USH2A: variants seen among roughly 807,000 people sequenced by gnomAD.
USH2A encodes Usher syndrome 2A (autosomal recessive, mild).
In USH2A, 443 loss-of-function variants were observed where a neutral mutation model predicts 538.9. The ratio of observed to expected loss-of-function variants is 0.82; its 90% CI spans 0.76 to 0.89. The LOEUF (loss-of-function observed/expected upper bound fraction) is 0.89. Among genes scored for constraint, USH2A ranks in the 40% least tolerant of loss-of-function variants. USH2A has a pLI of 0.00. For missense variants in USH2A, 6,633 were observed against 6,324.8 expected, an observed-to-expected ratio of 1.05 and a Z score of -1.65; for synonymous variants, 2,413 against 2,273.5, an observed-to-expected ratio of 1.06 and a Z score of -1.75.
At chr1:216,391,007 C>G (rs2039097532) in intron 3 of USH2A, among the ~76,000 whole-genome samples, 1 of 152,120 alleles carries the variant, frequency 6.6e-6, no homozygotes, top group Admixed American at 6.6e-5. Context: ...TAGATTTACA[C>G]ATGCAATATT....
intron 22 of USH2A, among the ~76,000 whole-genome samples, chr1:216,091,389 A>G (rs1451563234): frequency 6.6e-6 from 1 of 152,260 alleles, no homozygotes; most frequent in Non-Finnish European, 1.5e-5. Flanking sequence ...CTGATCAAGT[A>G]TATTCAAAAT....
chr1:215,708,145 A>T (rs1253993283), intron 61 of USH2A, among the ~76,000 whole-genome samples: 2 of 152,148 alleles, frequency 1.3e-5, no homozygotes, highest in African/African-American at 4.8e-5. Flanking sequence ...AATTTGCAAA[A>T]GTTGTATTTT....
chr1:215,800,104 T>A (rs1571698700), intron 49 of USH2A, among the ~76,000 whole-genome samples: 1 of 152,172 alleles, frequency 6.6e-6, no homozygotes, highest in African/African-American at 2.4e-5. Context: ...TTGTTTGGTA[T>A]AAAGACAACT....
At chr1:215,683,336 T>C (rs1330776759) in intron 61 of USH2A, among the ~76,000 whole-genome samples, 1 of 152,154 alleles carries the variant, frequency 6.6e-6, no homozygotes, top group Non-Finnish European at 1.5e-5. Context: ...TAGTAAAAGC[T>C]ATATTAAAAA....
chr1:215,728,446 T>G (rs1337031069), intron 60 of USH2A, 62 bp from the exon 61 acceptor site: 1 of 1,503,716 alleles, frequency 6.7e-7, no homozygotes. Context: ...AGTTTGTAGA[T>G]GGAGTAAAAA....
At chr1:216,106,079 T>C (rs1484119182) in intron 21 of USH2A, among the ~76,000 whole-genome samples, 1 of 150,354 alleles carries the variant, frequency 6.7e-6, no homozygotes, top group Non-Finnish European at 1.5e-5. Flanking sequence ...CGTATTGTTT[T>C]AGCAGTGGCT....
At chr1:216,130,162 T>C (rs2033341223) in intron 21 of USH2A, among the ~76,000 whole-genome samples, 1 of 151,962 alleles carries the variant, frequency 6.6e-6, no homozygotes, top group African/African-American at 2.4e-5. Context: ...AAATTTCTTT[T>C]ATTTTTTATT....
At chr1:215,640,480 C>T in intron 68 of USH2A, 78 bp downstream of exon 68, 3 of 1,589,320 alleles carry the variant, frequency 1.9e-6, no homozygotes, top group Non-Finnish European at 2.6e-6. Context: ...ATCTGCTGGT[C>T]AGCTTTCAGA....
At chr1:215,785,540 G>A (rs539767105) in intron 52 of USH2A, among the ~76,000 whole-genome samples, 5 of 152,280 alleles carry the variant, frequency 3.3e-5, no homozygotes, top group Admixed American at 1.3e-4. Flanking sequence ...AGTACCTAGT[G>A]TAGAGATATA....
intron 14 of USH2A, among the ~76,000 whole-genome samples, chr1:216,222,499 G>A (rs2035476035): frequency 6.6e-6 from 1 of 152,186 alleles, no homozygotes; most frequent in Non-Finnish European, 1.5e-5. Context: ...GAATTTTGCA[G>A]ATGTGGTTAA....
intron 35 of USH2A, among the ~76,000 whole-genome samples, chr1:215,982,229 C>T (rs1404828502): frequency 3.9e-5 from 6 of 152,162 alleles, no homozygotes; most frequent in Non-Finnish European, 7.3e-5. Flanking sequence ...ATTCCTTGCC[C>T]TGGTGGCCTG....
At chr1:215,798,163 A>G (rs776155861) in intron 50 of USH2A, among the ~76,000 whole-genome samples, 1 of 152,222 alleles carries the variant, frequency 6.6e-6, no homozygotes, top group African/African-American at 2.4e-5. Flanking sequence ...TGCTGCAATC[A>G]TAAAACTAAC....
At chr1:215,828,238 C>T (rs1364441868) in intron 47 of USH2A, among the ~76,000 whole-genome samples, 1 of 151,984 alleles carries the variant, frequency 6.6e-6, no homozygotes, top group Non-Finnish European at 1.5e-5. Context: ...TGACTTGAGC[C>T]CAGGAGTTCG....
intron 9 of USH2A, among the ~76,000 whole-genome samples, chr1:216,303,999 G>A (rs551038332): frequency 1.3e-5 from 2 of 151,854 alleles, no homozygotes; most frequent in Non-Finnish European, 2.9e-5. Context: ...GTAGTAGCAT[G>A]AGTATTTACA....
chr1:216,073,088 C>T lies in USH2A; in HGVS notation c.5776+9G>A. The stretch of plus-strand genomic sequence containing the variant: ...ATGTAACATTTAATTTAGAGGACCT[C>T]CACATTACCTGTAAAAGGCTGGAGA... On this transcript the variant is annotated intron_variant, in intron 28 of 71. Coordinates refer to ENST00000307340, the MANE Select transcript of USH2A (RefSeq NM_206933.4). 1 of 1,613,722 alleles carries T rather than the reference C, an allele frequency of 6.2e-7. No individual in the cohort carries two copies. The highest frequency in any genetic ancestry group is 8.5e-7 in the Non-Finnish European group (1 of 1,179,908).
At chr1:216,120,069 C>T (rs977076411) in intron 21 of USH2A, among the ~76,000 whole-genome samples, 1 of 151,868 alleles carries the variant, frequency 6.6e-6, no homozygotes. Flanking sequence ...AAAGCAGATA[C>T]ATATTTTTTT....
intron 38 of USH2A, among the ~76,000 whole-genome samples, chr1:215,914,044 GGTTA>G (rs1665883217): frequency 6.7e-6 from 1 of 150,168 alleles, no homozygotes; most frequent in Non-Finnish European, 1.5e-5. Flanking sequence ...CCTCTACTAA[GGTTA>G]GCCATTGTCA....
intron 48 of USH2A, among the ~76,000 whole-genome samples, chr1:215,815,540 A>G (rs754260060): frequency 7.9e-5 from 12 of 152,026 alleles, no homozygotes; most frequent in Non-Finnish European, 1.5e-4. Flanking sequence ...ACAAAGCTTC[A>G]GTAAATTTTT....
At chr1:215,812,555 G>C (rs10864204) in intron 49 of USH2A, among the ~76,000 whole-genome samples, 4 of 151,872 alleles carry the variant, frequency 2.6e-5, no homozygotes, top group Middle Eastern at 3.2e-3. Context: ...ATAATTTACA[G>C]GAACCAGACG....
Sources: gnomAD v4.1 joint callset for allele counts (sites outside exome capture counted in the v4.1 genomes callset) on GRCh38, gnomAD v4.1.1 for gene constraint, MANE v1.5 for transcripts, NCBI Gene and HGNC (gene_info 2026-07-23, HGNC 2026-07-21) for gene names.